The following DPP6 variants were observed in gnomAD, a reference collection of about 807,000 sequenced individuals.
The protein encoded by DPP6 is A-type potassium channel modulatory protein DPP6.
DPP6 carries 69 observed loss-of-function variants against 122.6 expected under a neutral mutation model. The observed-to-expected ratio is 0.56, with a 90% confidence interval of 0.46 to 0.69. DPP6 has a LOEUF of 0.69. Ranked by LOEUF, DPP6 falls within the 30% of genes least tolerant of loss-of-function variation. The probability of loss-of-function intolerance (pLI) is 0.00; values close to 1 mark genes in which losing one functional copy is unlikely to be tolerated. For missense variants in DPP6, 928 were observed against 1,116.9 expected (o/e 0.83, Z 2.41); for synonymous variants, 418 against 433.1 (o/e 0.97, Z 0.43).
At chr7:154,394,778 G>C (rs1221768794) in intron 1 of DPP6, among the ~76,000 whole-genome samples, 1 of 152,108 alleles carries the variant, frequency 6.6e-6, no homozygotes, top group Non-Finnish European at 1.5e-5. Flanking sequence ...TATAGTGTAA[G>C]GTAAGGGTCT....
chr7:154,649,193 C>A (rs918494298), intron 6 of DPP6, among the ~76,000 whole-genome samples: 1 of 152,124 alleles, frequency 6.6e-6, no homozygotes, highest in South Asian at 2.1e-4. Context: ...GAGATTCACC[C>A]GTGTTGTGAC....
intron 1 of DPP6, among the ~76,000 whole-genome samples, chr7:154,170,925 G>T (rs28463285): frequency 6.6e-6 from 1 of 151,926 alleles, no homozygotes; most frequent in Admixed American, 6.5e-5. Flanking sequence ...GCACTCCCTC[G>T]GTGGGTGAGT....
intron 24 of DPP6, 36 bp downstream of exon 24, chr7:154,889,380 G>A (rs1402995090): frequency 1.9e-6 from 3 of 1,609,024 alleles, no homozygotes; most frequent in Non-Finnish European, 2.5e-6. Flanking sequence ...TGTGTATCTA[G>A]TAAGAGCCTC....
chr7:154,733,966 T>C (rs1222940585), intron 8 of DPP6, among the ~76,000 whole-genome samples: 2 of 152,232 alleles, frequency 1.3e-5, no homozygotes, highest in East Asian at 3.8e-4. Context: ...TGATACCCAG[T>C]GTGCTGAGTA....
intron 1 of DPP6, among the ~76,000 whole-genome samples, chr7:154,105,041 C>T (rs1339735483): frequency 6.6e-5 from 10 of 152,290 alleles, no homozygotes; most frequent in African/African-American, 1.7e-4. Context: ...GGTGGGAGGA[C>T]GCTTAAGCTC....
At chr7:154,736,346 A>G (rs1379010736) in intron 8 of DPP6, among the ~76,000 whole-genome samples, 1 of 152,244 alleles carries the variant, frequency 6.6e-6, no homozygotes, top group Non-Finnish European at 1.5e-5. Flanking sequence ...GCCACTGCTC[A>G]AGCCTGTTGT....
At chr7:154,747,554 G>T (rs1044314926) in intron 8 of DPP6, among the ~76,000 whole-genome samples, 1 of 152,094 alleles carries the variant, frequency 6.6e-6, no homozygotes, top group Non-Finnish European at 1.5e-5. Context: ...TGTGCGAATC[G>T]CCATACTGTG....
At chr7:154,701,697 G>T (rs951185607) in intron 7 of DPP6, among the ~76,000 whole-genome samples, 5 of 152,168 alleles carry the variant, frequency 3.3e-5, no homozygotes, top group African/African-American at 1.2e-4. Flanking sequence ...ACCTGTGAAA[G>T]GTTCATAAAT....
intron 1 of DPP6, among the ~76,000 whole-genome samples, chr7:154,159,642 G>A (rs1178349707): frequency 6.6e-6 from 1 of 152,290 alleles, no homozygotes; most frequent in Non-Finnish European, 1.5e-5. Context: ...TCCCAGACAT[G>A]AACTTGCGCA....
intron 1 of DPP6, among the ~76,000 whole-genome samples, chr7:154,433,090 G>C (rs1056800359): frequency 6.8e-6 from 1 of 146,474 alleles, no homozygotes; most frequent in Non-Finnish European, 1.5e-5. Context: ...CCAGGTTACA[G>C]ATATAACAAG....
At chr7:154,095,623 G>C (rs2533628) in intron 1 of DPP6, 1 of 93,336 alleles carries the variant, frequency 1.1e-5, no homozygotes. Context: ...CCAACTCGAC[G>C]AGAGCCAAAG....
At chr7:154,850,430 C>T (rs1802278382) in intron 16 of DPP6, among the ~76,000 whole-genome samples, 1 of 151,994 alleles carries the variant, frequency 6.6e-6, no homozygotes. Flanking sequence ...GTTTGGTAGT[C>T]TCTTTGTCTG....
At chr7:153,911,798 G>A (rs1800103159) in intron 1 of DPP6, among the ~76,000 whole-genome samples, 1 of 152,192 alleles carries the variant, frequency 6.6e-6, no homozygotes, top group Non-Finnish European at 1.5e-5. Flanking sequence ...TTACAATGCT[G>A]TTAGGTTTTG....
chr7:153,928,500 C>T (rs1459644473), intron 1 of DPP6, among the ~76,000 whole-genome samples: 1 of 145,538 alleles, frequency 6.9e-6, no homozygotes, highest in African/African-American at 2.5e-5. Context: ...CCTCAGCCTC[C>T]CAAAGCACTG....
At chr7:154,464,054 C>T (rs1331270812) in intron 2 of DPP6, among the ~76,000 whole-genome samples, 1 of 152,170 alleles carries the variant, frequency 6.6e-6, no homozygotes, top group Non-Finnish European at 1.5e-5. Context: ...TTCTTGCGGC[C>T]TAGACTGCCT....
At chr7:154,061,486 C>CT (rs1231065934) in intron 1 of DPP6, among the ~76,000 whole-genome samples, 1 of 147,196 alleles carries the variant, frequency 6.8e-6, no homozygotes, top group Non-Finnish European at 1.5e-5. Flanking sequence ...AGGGCCTTGG[C>CT]AGCAACTGCC....
intron 1 of DPP6, among the ~76,000 whole-genome samples, chr7:154,125,743 A>G (rs941427190): frequency 6.6e-6 from 1 of 152,198 alleles, no homozygotes; most frequent in Admixed American, 6.5e-5. Context: ...TAATGGGTTC[A>G]CATTGCACAG....
chr7:154,345,593 T>G (rs1810327945), intron 1 of DPP6, among the ~76,000 whole-genome samples: 1 of 152,010 alleles, frequency 6.6e-6, no homozygotes, highest in Non-Finnish European at 1.5e-5. Context: ...CTAAGGTGGA[T>G]TTGCTTAGTC....
chr7:153,899,213 T>G (rs1395038384), intron 1 of DPP6, among the ~76,000 whole-genome samples: 1 of 151,788 alleles, frequency 6.6e-6, no homozygotes, highest in Non-Finnish European at 1.5e-5. Flanking sequence ...CTCCTCCTCC[T>G]TCTCCTCCTC....
Sources: allele counts gnomAD v4.1 joint callset (sites outside exome capture counted in the v4.1 genomes callset), GRCh38; gene constraint gnomAD v4.1.1; transcripts MANE v1.5; gene names NCBI Gene and HGNC (gene_info 2026-07-23, HGNC 2026-07-21).